The following EML6 variants were observed in gnomAD, a reference collection of about 807,000 sequenced individuals.
EML6 encodes EMAP like 6.
EML6 carries 154 observed loss-of-function variants against 240.1 expected under a neutral mutation model. The ratio of observed to expected loss-of-function variants is 0.64; its 90% CI spans 0.56 to 0.73. EML6 has a LOEUF of 0.73. EML6 is among the 30% of genes least tolerant of loss of function. The probability of loss-of-function intolerance (pLI) is 0.00; values close to 1 mark genes in which losing one functional copy is unlikely to be tolerated. For missense variants in EML6, 2,964 were observed against 2,474.6 expected, an observed-to-expected ratio of 1.20 and a Z score of -4.20; for synonymous variants, 1,148 against 899.0, an observed-to-expected ratio of 1.28 and a Z score of -4.95.
chr2:54,797,709 G>C (rs1669897376), intron 2 of EML6, among the ~76,000 whole-genome samples: 1 of 152,138 alleles, frequency 6.6e-6, no homozygotes, highest in Non-Finnish European at 1.5e-5. Context: ...CTGTACTGTG[G>C]AAAGGCAGCC....
At chr2:54,937,012 G>T (rs1162700736) in intron 28 of EML6, among the ~76,000 whole-genome samples, 1 of 146,686 alleles carries the variant, frequency 6.8e-6, no homozygotes, top group Admixed American at 6.9e-5. Flanking sequence ...GGGCACAGTG[G>T]CTCACGCCTG....
rs193182264 is a variant in EML6 at position 54,878,971 on chromosome 2, C to G, written c.2345-576C>G. 6.7e-4 allele frequency among the ~76,000 whole-genome samples: 102 copies of G among 152,238 alleles called. 1 individual carries two copies. The highest frequency in any genetic ancestry group is 2.5e-3 in the African/African-American group (102 of 41,536). On this transcript the variant is annotated intron_variant, in intron 16 of 41. Transcript: ENST00000356458. ...TTCTAAATTTCCTATAACAAGTACACTACATTTGAAATAGGGAACATAAAA... is the reference window on the plus strand; with the variant it reads ...TTCTAAATTTCCTATAACAAGTACAGTACATTTGAAATAGGGAACATAAAA...
chr2:54,964,501 C>G, intron 37 of EML6, 70 bp from the exon 38 acceptor site: 4 of 1,449,842 alleles, frequency 2.8e-6, no homozygotes, highest in South Asian at 1.3e-5. Context: ...CTGTCACAGA[C>G]CAGCCTTCGT....
intron 2 of EML6, among the ~76,000 whole-genome samples, chr2:54,792,291 G>A (rs1301682919): frequency 6.6e-6 from 1 of 152,140 alleles, no homozygotes; most frequent in Non-Finnish European, 1.5e-5. Flanking sequence ...AATGCCCCCT[G>A]GGCTTCCCCT....
At chr2:54,886,120 C>T (rs183038189) in intron 17 of EML6, among the ~76,000 whole-genome samples, 202 of 149,798 alleles carry the variant, frequency 1.3e-3, no homozygotes, top group South Asian at 3.0e-3. Context: ...CAGCATACTA[C>T]ACATTGCACA....
At chr2:54,855,251 A>G (rs931071923) in intron 11 of EML6, among the ~76,000 whole-genome samples, 3 of 152,118 alleles carry the variant, frequency 2.0e-5, no homozygotes, top group African/African-American at 7.2e-5. Flanking sequence ...AGGGGTGCTC[A>G]GGAAACTTAC....
At chr2:54,882,855 C>A (rs1365356027) in intron 17 of EML6, 4 of 518 alleles carry the variant, frequency 7.7e-3, no homozygotes, top group Non-Finnish European at 0.027. Flanking sequence ...CAGACTCCGT[C>A]TCAAAAAAAA....
chr2:54,826,679 T>C (rs1328242924), intron 5 of EML6, among the ~76,000 whole-genome samples: 1 of 152,196 alleles, frequency 6.6e-6, no homozygotes, highest in Non-Finnish European at 1.5e-5. Context: ...TACTGCCTTG[T>C]ATAAAATTGC....
intron 10 of EML6, among the ~76,000 whole-genome samples, chr2:54,850,673 T>G (rs1025717478): frequency 3.9e-5 from 6 of 152,084 alleles, no homozygotes; most frequent in African/African-American, 1.4e-4. Context: ...AAAGTACCAT[T>G]TTACACTATT....
intron 17 of EML6, among the ~76,000 whole-genome samples, chr2:54,885,953 TCTTC>T (rs1321762912): frequency 2.0e-5 from 3 of 152,106 alleles, no homozygotes; most frequent in Non-Finnish European, 2.9e-5. Context: ...AAATTCCATC[TCTTC>T]CTTGCCTCTC....
intron 4 of EML6, among the ~76,000 whole-genome samples, chr2:54,819,909 C>T (rs1173576723): frequency 6.6e-6 from 1 of 151,912 alleles, no homozygotes; most frequent in Non-Finnish European, 1.5e-5. Flanking sequence ...CAGATAAATC[C>T]CTCTGCCTTA....
Position 54,871,589 on chromosome 2 carries a change from T to C in EML6, c.2328T>C (p.Cys776=), listed in dbSNP as rs1165251554. The part of the protein sequence containing the change: ...LLKGQHQRGV[C]ALDFSADGKC... ...AAGGACAACATCAGAGAGGAGTGTG[T>C]GCACTTGATTTTTCAGGTAAGGTCC... The change falls in exon 16 of 42, where the codon TGT becomes TGC. Residue 776 remains cysteine (C), a synonymous_variant. Transcript: ENST00000356458. 1.9e-6 allele frequency: 3 copies of C among 1,551,350 alleles called. No individual in the cohort carries two copies. In the South Asian group the frequency reaches 3.6e-5, roughly 18 times the overall value.
intron 2 of EML6, among the ~76,000 whole-genome samples, chr2:54,759,711 A>G (rs1337305943): frequency 6.6e-6 from 1 of 152,066 alleles, no homozygotes. Flanking sequence ...TCACCAAGCT[A>G]GCATGTGAAT....
At chr2:54,859,439 G>C in intron 11 of EML6, 95 bp from the exon 12 acceptor site, 1 of 940,554 alleles carries the variant, frequency 1.1e-6, no homozygotes, top group Non-Finnish European at 1.6e-6. Flanking sequence ...TATATTTAAA[G>C]ATTTTACTCT....
chr2:54,937,993 G>C (rs1436459821), intron 28 of EML6, among the ~76,000 whole-genome samples: 1 of 152,176 alleles, frequency 6.6e-6, no homozygotes, highest in Non-Finnish European at 1.5e-5. Flanking sequence ...ACACCAATCT[G>C]CTTCGTCCTC....
At chr2:54,803,457 CACCCT>C (rs1670289859) in intron 2 of EML6, among the ~76,000 whole-genome samples, 3 of 152,126 alleles carry the variant, frequency 2.0e-5, no homozygotes, top group Admixed American at 6.5e-5. Flanking sequence ...TTCGTCAAGC[CACCCT>C]AGACCCTCCT....
rs1676431935 is a variant in EML6 at position 54,960,211 on chromosome 2, C to G, written c.4854-9C>G. 3.9e-6 allele frequency: 6 copies of G among 1,545,508 alleles called. No homozygotes were observed. The highest frequency in any genetic ancestry group is 4.4e-6 in the Non-Finnish European group (5 of 1,141,752). On this transcript the variant is annotated splice_polypyrimidine_tract_variant and intron_variant, in intron 34 of 41. Coordinates refer to ENST00000356458, the MANE Select transcript of EML6 (RefSeq NM_001039753.4). ...GTTAACAGCCTGAGTCCCTTTCAAT[C>G]TTTTTTAGGACCAAAGAAGGAGGTG...
intron 10 of EML6, among the ~76,000 whole-genome samples, chr2:54,853,183 C>T (rs1670183161): frequency 6.6e-6 from 1 of 152,000 alleles, no homozygotes; most frequent in African/African-American, 2.4e-5. Context: ...TTTTTAAAAC[C>T]TGGCAAAGCG....
rs552531013 is a variant in EML6 at position 54,733,643 on chromosome 2, A to C, written c.197+8385A>C. On this transcript the variant is annotated intron_variant, in intron 2 of 41. Coordinates refer to ENST00000356458, the MANE Select transcript of EML6 (RefSeq NM_001039753.4). Reference sequence around the variant, plus strand: ...TGCTTAACTCAAGGATTCATTTTGCACATGGCCACCCTCCCAAAAATCCAC... The same window carrying C: ...TGCTTAACTCAAGGATTCATTTTGCCCATGGCCACCCTCCCAAAAATCCAC... Among the ~76,000 whole-genome samples the C allele has an allele frequency of 2.0e-5, 3 of 152,292 alleles. No individual in the cohort carries two copies. In the South Asian group the frequency reaches 6.2e-4, roughly 32 times the overall value.
Sources: allele counts gnomAD v4.1 joint callset (sites outside exome capture counted in the v4.1 genomes callset), GRCh38; gene constraint gnomAD v4.1.1; transcripts MANE v1.5; gene names NCBI Gene and HGNC (gene_info 2026-07-23, HGNC 2026-07-21).